BBS4: variants seen among roughly 807,000 people sequenced by gnomAD.
BBS4 encodes BBSome complex member BBS4.
A neutral mutation model predicts 71.4 loss-of-function variants in BBS4; 58 were observed. The ratio of observed to expected loss-of-function variants is 0.81; its 90% CI spans 0.66 to 1.01. BBS4 has a LOEUF of 1.01. Ranked by LOEUF, BBS4 falls within the 50% of genes least tolerant of loss-of-function variation. BBS4 has a pLI of 0.00. For missense variants in BBS4, 660 were observed against 607.9 expected (o/e 1.09, Z -0.90); for synonymous variants, 228 against 216.8 (o/e 1.05, Z -0.46).
chr15:72,695,137 T>C (rs2065052682), intron 1 of BBS4, 40 bp from the exon 2 acceptor site: 1 of 1,439,592 alleles, frequency 6.9e-7, no homozygotes, highest in Admixed American at 1.7e-5. Context: ...AGCAAGTTTA[T>C]ATTGTGGTGC....
At chr15:72,698,908 G>T (rs1409207533) in intron 2 of BBS4, among the ~76,000 whole-genome samples, 1 of 152,090 alleles carries the variant, frequency 6.6e-6, no homozygotes, top group African/African-American at 2.4e-5. Context: ...GAGTTACAAG[G>T]TAATTTAGTT....
rs1191115101 is a variant in BBS4, at chr15:72,722,800, A to C, written c.412A>C (p.Ser138Arg). The change falls in exon 7 of 16, where the codon AGC becomes CGC. Residue 138 changes from serine (S) to arginine (R), a missense_variant. Coordinates refer to ENST00000268057, the MANE Select transcript of BBS4 (RefSeq NM_033028.5). ...AKLNQKDWEI[S>R]HNLGVCYIYL... Reference sequence around the variant, plus strand: ...TTCTTTTTTATGAGCCTAGGAGATCAGCCATAACCTAGGAGTTTGCTACAT... The same window carrying C: ...TTCTTTTTTATGAGCCTAGGAGATCCGCCATAACCTAGGAGTTTGCTACAT... 1 of 1,613,864 alleles carries C rather than the reference A, an allele frequency of 6.2e-7. No homozygotes were observed. Among genetic ancestry groups the C allele is most frequent in the Non-Finnish European group, 8.5e-7 (1 of 1,179,814 alleles).
intron 6 of BBS4, among the ~76,000 whole-genome samples, chr15:72,722,358 A>G (rs1271357962): frequency 6.6e-6 from 1 of 152,224 alleles, no homozygotes; most frequent in East Asian, 1.9e-4. Flanking sequence ...TCCTAGGGAA[A>G]GGACTTCAGT....
At chr15:72,726,290 T>C (rs2065700773) in intron 8 of BBS4, among the ~76,000 whole-genome samples, 1 of 152,022 alleles carries the variant, frequency 6.6e-6, no homozygotes, top group Non-Finnish European at 1.5e-5. Context: ...GTTTGTATTT[T>C]TAGCAGAGAC....
At chr15:72,708,646 T>C (rs151165453) in intron 2 of BBS4, among the ~76,000 whole-genome samples, 1 of 152,294 alleles carries the variant, frequency 6.6e-6, no homozygotes, top group African/African-American at 2.4e-5. Context: ...AGAGCCATAT[T>C]TTTCTTCTTT....
intron 14 of BBS4, 108 bp from the exon 15 acceptor site, chr15:72,736,654 G>A (rs1451942154): frequency 1.2e-5 from 12 of 1,029,252 alleles, no homozygotes; most frequent in South Asian, 2.7e-5. Context: ...CTGCTAGTAC[G>A]ACCAGACACT....
chr15:72,725,706 TTTCCCCGTTTTCCC>T (rs1255009361), intron 8 of BBS4, among the ~76,000 whole-genome samples: 2 of 76,192 alleles, frequency 2.6e-5, no homozygotes, highest in African/African-American at 5.9e-5. Context: ...TCCCCTTCCC[TTTCCCCGTTTTCCC>T]TTCCCCCTTT....
intron 6 of BBS4, among the ~76,000 whole-genome samples, chr15:72,720,046 T>C (rs2065539707): frequency 6.6e-6 from 1 of 151,980 alleles, no homozygotes; most frequent in African/African-American, 2.4e-5. Context: ...ACCACCTTTT[T>C]TTTTTTTAAC....
At chr15:72,717,212 ACT>A (rs1703881389) in intron 6 of BBS4, 1 of 225,302 alleles carries the variant, frequency 4.4e-6, no homozygotes, top group Non-Finnish European at 8.7e-6. Flanking sequence ...CATTCAATTG[ACT>A]CTTTCATTCT....
intron 8 of BBS4, among the ~76,000 whole-genome samples, chr15:72,726,584 G>A (rs2065707517): frequency 6.6e-6 from 1 of 152,222 alleles, no homozygotes; most frequent in South Asian, 2.1e-4. Context: ...TTCTACCATG[G>A]TAGTAAATTT....
rs373839592 is a variant in BBS4, at chr15:72,715,280, T to C, written c.221-11T>C. The C allele has an allele frequency of 1.3e-6, 2 of 1,594,088 alleles. No homozygotes were observed. Among genetic ancestry groups the C allele is most frequent in the African/African-American group, 2.7e-5 (2 of 74,548 alleles). On this transcript the variant is annotated splice_polypyrimidine_tract_variant and intron_variant, in intron 4 of 15. Transcript: ENST00000268057. ...GTTTTACTTTTTTTTGTATTTTCTG[T>C]TTCTTGGCAGCATTGATATTTCGCC...
intron 6 of BBS4, among the ~76,000 whole-genome samples, chr15:72,719,933 T>G (rs903320522): frequency 2.0e-5 from 3 of 151,766 alleles, no homozygotes; most frequent in African/African-American, 2.4e-5. Context: ...GTATTTTTAG[T>G]AGAGATGAGG....
rs566578479 is a variant in BBS4 at position 72,731,430 on chromosome 15, T to C, written c.837T>C (p.Cys279=). 13 of 1,614,230 alleles carry C rather than the reference T, an allele frequency of 8.1e-6. No homozygotes were observed. In the South Asian group the frequency reaches 1.2e-4, roughly 15 times the overall value. Residue 279 remains cysteine (C), a synonymous_variant, in exon 11 of 16, where the codon TGT becomes TGC. Coordinates refer to ENST00000268057, the MANE Select transcript of BBS4 (RefSeq NM_033028.5). ...SPPLWNNIGM[C]FFGKKKYVAA... ...CACTCTGGAATAACATTGGAATGTG[T>C]TTCTTTGGCAAGAAGAAATATGTGG...
chr15:72,697,440 C>A (rs1165135100), intron 2 of BBS4, among the ~76,000 whole-genome samples: 1 of 152,012 alleles, frequency 6.6e-6, no homozygotes, highest in Non-Finnish European at 1.5e-5. Flanking sequence ...TGGAGTTGTC[C>A]TGTATATTGT....
At chr15:72,703,833 T>A (rs1745845943) in intron 2 of BBS4, among the ~76,000 whole-genome samples, 1 of 152,244 alleles carries the variant, frequency 6.6e-6, no homozygotes, top group Admixed American at 6.5e-5. Context: ...CATAATAATT[T>A]TCTGCTTAGT....
At chr15:72,694,541 G>A (rs1050228240) in intron 1 of BBS4, among the ~76,000 whole-genome samples, 64 of 152,128 alleles carry the variant, frequency 4.2e-4, no homozygotes, top group African/African-American at 1.5e-3. Flanking sequence ...GGTGCAGTTC[G>A]CTATGATGTA....
intron 3 of BBS4, among the ~76,000 whole-genome samples, chr15:72,710,469 G>A (rs565446405): frequency 2.0e-5 from 3 of 151,920 alleles, no homozygotes; most frequent in Non-Finnish European, 4.4e-5. Context: ...CAAAGTGCTG[G>A]GATTACAGGC....
At chr15:72,734,374 C>G (rs1380206821) in intron 12 of BBS4, among the ~76,000 whole-genome samples, 1 of 152,208 alleles carries the variant, frequency 6.6e-6, no homozygotes, top group African/African-American at 2.4e-5. Flanking sequence ...GGCTGAGGAG[C>G]CACTGTGAAG....
chr15:72,710,039 C>T (rs531000209), intron 3 of BBS4, among the ~76,000 whole-genome samples: 1 of 152,184 alleles, frequency 6.6e-6, no homozygotes, highest in South Asian at 2.1e-4. Flanking sequence ...GGTTTGACTG[C>T]AGGCTGTGGG....
Sources: gnomAD v4.1 joint callset for allele counts (sites outside exome capture counted in the v4.1 genomes callset) on GRCh38, gnomAD v4.1.1 for gene constraint, MANE v1.5 for transcripts, NCBI Gene and HGNC (gene_info 2026-07-23, HGNC 2026-07-21) for gene names.